MPP2: variants seen among roughly 807,000 people sequenced by gnomAD.
The protein encoded by MPP2 is MAGUK p55 subfamily member 2.
Under a neutral mutation model 58.5 loss-of-function variants are expected in MPP2, and 42 were observed. The observed-to-expected ratio is 0.72, with a 90% CI of 0.56 to 0.93. The LOEUF (loss-of-function observed/expected upper bound fraction) is 0.93, where lower values mean the gene tolerates loss of function less well. Ranked by LOEUF, MPP2 falls within the 40% of genes least tolerant of loss-of-function variation. The pLI is 0.00. For synonymous variants in MPP2, 300 were observed against 307.8 expected, an observed-to-expected ratio of 0.97 and a Z score of 0.26; for missense variants, 632 against 760.4, an observed-to-expected ratio of 0.83 and a Z score of 1.99.
intron 3 of MPP2, among the ~76,000 whole-genome samples, chr17:43,896,720 G>A (rs1325542383): frequency 1.3e-5 from 2 of 152,054 alleles, no homozygotes; most frequent in Non-Finnish European, 2.9e-5. Flanking sequence ...ATGGACAGTC[G>A]AGGTCCCCAT....
chr17:43,891,431 C>A (rs1402021483), intron 3 of MPP2, among the ~76,000 whole-genome samples: 1 of 151,848 alleles, frequency 6.6e-6, no homozygotes, highest in Non-Finnish European at 1.5e-5. Flanking sequence ...AGGAGAATCG[C>A]TTGAACCTGG....
Position 43,879,309 on chromosome 17 carries a change from G to A in MPP2, c.1448C>T (p.Ala483Val), listed in dbSNP as rs1241458957. Residue 483 changes from alanine (A) to valine (V), a missense_variant, in exon 12 of 13, where the codon GCG becomes GTG. Transcript: ENST00000269095. This position sits in a 1 kb window ranked among gnomAD's most constrained non-coding sequence, Gnocchi z 4.1. ...FETLRAMNRA[A>V]LESGISTKQL... ...CTTGGTGGATATTCCACTCTCCAGC[G>A]CAGCCCTGTTCATGGCCCGCAGGGT... 3.7e-6 allele frequency: 6 copies of A among 1,613,942 alleles called. No individual in the cohort carries two copies. The highest frequency in any genetic ancestry group is 1.7e-5 in the Admixed American group (1 of 59,988).
At position 43,907,529 on chromosome 17, in the gene MPP2, C is replaced by G; in HGVS notation, c.-89G>C. ...GGCTCCAGCGCAGCCGGGCGCTCAGCGTTTATTGCTTGTCAATCGCTAGCC... is the reference window on the plus strand; with the variant it reads ...GGCTCCAGCGCAGCCGGGCGCTCAGGGTTTATTGCTTGTCAATCGCTAGCC... On this transcript the variant is annotated 5_prime_UTR_variant, in exon 1 of 13. Transcript: ENST00000269095. The G allele has an allele frequency of 2.0e-6, 2 of 985,514 alleles. No homozygotes were observed. Among genetic ancestry groups the G allele is most frequent in the South Asian group, 9.4e-5 (2 of 21,292 alleles). The allele number at this position is 985,514 out of a possible 1,614,324, so 61.0% of individuals were successfully genotyped here.
chr17:43,889,252 C>A (rs1396122608), intron 3 of MPP2, among the ~76,000 whole-genome samples: 1 of 151,700 alleles, frequency 6.6e-6, no homozygotes, highest in East Asian at 1.9e-4. Flanking sequence ...AATGATATAA[C>A]AAGGATCTAA....
At chr17:43,882,184 G>T in intron 6 of MPP2, 100 bp downstream of exon 6, 1 of 1,178,372 alleles carries the variant, frequency 8.5e-7, no homozygotes, top group Non-Finnish European at 1.2e-6. Flanking sequence ...ATCTTCCCTG[G>T]AGGAAACCAG....
At chr17:43,878,194 A>G (rs1301688929) in intron 12 of MPP2, among the ~76,000 whole-genome samples, 1 of 152,236 alleles carries the variant, frequency 6.6e-6, no homozygotes, top group East Asian at 1.9e-4. Context: ...ATAAGCTTTA[A>G]TAACTGCCAA....
intron 3 of MPP2, among the ~76,000 whole-genome samples, chr17:43,892,218 C>T (rs1405087330): frequency 6.6e-6 from 1 of 152,218 alleles, no homozygotes; most frequent in African/African-American, 2.4e-5. Context: ...CACTGTCTGC[C>T]ACATCCCCAG....
At position 43,877,903 on chromosome 17, in the gene MPP2, G is replaced by A; in HGVS notation, c.1563C>T (p.Val521=). 6.2e-7 allele frequency: 1 copy of A among 1,614,064 alleles called. No homozygotes were observed. Among genetic ancestry groups the A allele is most frequent in the Non-Finnish European group, 8.5e-7 (1 of 1,179,960 alleles). ...GGAAGGTCCTCTCCAGGTTGCTATT[G>A]ACCAGGCAGAGGTCAAAGTAGTGCC... The part of the protein sequence containing the change: ...GYGHYFDLCL[V]NSNLERTFRE... Residue 521 remains valine, a synonymous_variant, in exon 13 of 13, where the codon GTC becomes GTT. Transcript: ENST00000269095.
chr17:43,879,976 G>A lies in MPP2; in HGVS notation c.1159C>T (p.Arg387Trp), dbSNP rs758036416. Residue 387 changes from arginine (R) to tryptophan (W), a missense_variant, in exon 11 of 13, where the codon CGG becomes TGG. Transcript: ENST00000269095. The surrounding 1 kb of genome is among the most constrained non-coding windows in gnomAD (Gnocchi z 4.1). ...TCCCGCTCTGAGTCTTTCGGCCGCC[G>A]GGAGGTGTCTAGGGGGATGGGGGTA... ...RYGTTVPYTS[R>W]RPKDSEREGQ... 1.7e-5 allele frequency: 27 copies of A among 1,613,998 alleles called. No homozygotes were observed. Among genetic ancestry groups the A allele is most frequent in the Admixed American group, 3.3e-5 (2 of 60,006 alleles).
In MPP2 at chr17:43,879,419, G is replaced by A; in HGVS notation, c.1354-16C>T. On this transcript the variant is annotated splice_polypyrimidine_tract_variant and intron_variant, in intron 11 of 12. Transcript: ENST00000269095. The surrounding 1 kb of genome is among the most constrained non-coding windows in gnomAD (Gnocchi z 4.1). ...CCTTCACCGCCTGCAGAAGGAGAAG[G>A]CAAGGTAGGGAGTATATCCCCATGT... 6.2e-7 allele frequency: 1 copy of A among 1,613,830 alleles called. No individual in the cohort carries two copies. The highest frequency in any genetic ancestry group is 8.5e-7 in the Non-Finnish European group (1 of 1,179,796).
chr17:43,885,224 T>C (rs2047318143), intron 3 of MPP2, among the ~76,000 whole-genome samples: 2 of 152,144 alleles, frequency 1.3e-5, no homozygotes, highest in South Asian at 4.1e-4. Context: ...ATTTTTTTTA[T>C]TCCATGTGTT....
chr17:43,882,671 G>T (rs1044611228), intron 5 of MPP2, among the ~76,000 whole-genome samples, 160 bp from the exon 6 acceptor site: 2 of 143,312 alleles, frequency 1.4e-5, no homozygotes, highest in African/African-American at 5.2e-5. Flanking sequence ...CTTACAGCAG[G>T]TACTAATGAG....
chr17:43,893,341 T>C (rs1383064637), intron 3 of MPP2, among the ~76,000 whole-genome samples: 4 of 152,174 alleles, frequency 2.6e-5, no homozygotes, highest in Non-Finnish European at 4.4e-5. Flanking sequence ...ATCAATTTCA[T>C]TGCCAAGTGT....
rs1166513132 is a variant in MPP2 at position 43,881,163 on chromosome 17, C to T, written c.920-5G>A. The T allele has an allele frequency of 1.9e-6, 3 of 1,613,900 alleles. No homozygotes were observed. In the South Asian group the frequency reaches 3.3e-5, roughly 18 times the overall value. The stretch of plus-strand genomic sequence containing the variant: ...AAAGGCTGCCGCATAGGGTCCCTGG[C>T]CATAGGGAGATGGGTGAGTGAGGCA... On this transcript the variant is annotated splice_polypyrimidine_tract_variant and splice_region_variant and intron_variant, in intron 8 of 12. Transcript: ENST00000269095.
intron 1 of MPP2, among the ~76,000 whole-genome samples, chr17:43,906,353 C>G (rs2048287619): frequency 6.6e-6 from 1 of 152,218 alleles, no homozygotes; most frequent in Admixed American, 6.5e-5. Flanking sequence ...GCCAGGCAAG[C>G]TAGCCTGGCT....
In MPP2 at chr17:43,898,815, A is replaced by G. The variant is rs1013347514; in HGVS notation, c.32-435T>C. On this transcript the variant is annotated intron_variant, in intron 2 of 12. Coordinates refer to ENST00000269095, the MANE Select transcript of MPP2 (RefSeq NM_005374.5). Reference sequence around the variant, plus strand: ...CCCCATCTCTACTAAAAATACCAAAATTAGCCAGGCATAGTGGTGTAGGTC... The same window carrying G: ...CCCCATCTCTACTAAAAATACCAAAGTTAGCCAGGCATAGTGGTGTAGGTC... Among the ~76,000 whole-genome samples the G allele has an allele frequency of 2.0e-4, 30 of 152,176 alleles. 1 individual carries two copies. Among genetic ancestry groups the G allele is most frequent in the Non-Finnish European group, 2.9e-5 (2 of 68,022 alleles).
chr17:43,904,774 C>T (rs1170981249), intron 1 of MPP2, among the ~76,000 whole-genome samples: 1 of 152,132 alleles, frequency 6.6e-6, no homozygotes, highest in Non-Finnish European at 1.5e-5. Context: ...AAATGAAAAT[C>T]CAGGTTTTAT....
At chr17:43,904,047 G>A (rs905579876) in intron 2 of MPP2, among the ~76,000 whole-genome samples, 6 of 152,174 alleles carry the variant, frequency 3.9e-5, no homozygotes, top group Admixed American at 6.5e-5. Context: ...CTGTGCTGCT[G>A]TAATCCCTCC....
At chr17:43,891,024 T>C (rs1191255415) in intron 3 of MPP2, among the ~76,000 whole-genome samples, 28 of 152,316 alleles carry the variant, frequency 1.8e-4, no homozygotes, top group Non-Finnish European at 3.5e-4. Flanking sequence ...AAAAGTGAAC[T>C]GATACACTGG....
Sources: allele counts gnomAD v4.1 joint callset (sites outside exome capture counted in the v4.1 genomes callset), GRCh38; gene constraint gnomAD v4.1.1; non-coding constraint Gnocchi (gnomAD v3.1); transcripts MANE v1.5; gene names NCBI Gene and HGNC (gene_info 2026-07-23, HGNC 2026-07-21).